The following GALNT13 variants were observed in gnomAD, a reference collection of about 807,000 sequenced individuals.
The protein encoded by GALNT13 is UDP-GalNAc:polypeptide N-acetylgalactosaminyltransferase 13.
Under a neutral mutation model 64.2 loss-of-function variants are expected in GALNT13, and 28 were observed. The observed-to-expected ratio is 0.44, with a 90% CI of 0.32 to 0.60. The LOEUF is 0.60. Ranked by LOEUF, GALNT13 falls within the 20% of genes least tolerant of loss-of-function variation. The pLI is 0.05. For missense variants in GALNT13, 577 were observed against 669.8 expected (o/e 0.86, Z 1.53); for synonymous variants, 214 against 224.6 (o/e 0.95, Z 0.42).
chr2:153,799,575 T>A, the GALNT13 span, among the ~76,000 whole-genome samples: 1 of 152,158 alleles, frequency 6.6e-6, no homozygotes, highest in East Asian at 1.9e-4. Flanking sequence ...GTCCATTGCT[T>A]CCTATTCAAA....
At chr2:153,151,902 G>C in the GALNT13 span, among the ~76,000 whole-genome samples, 1 of 152,062 alleles carries the variant, frequency 6.6e-6, no homozygotes, top group South Asian at 2.1e-4. Flanking sequence ...ACTGGGTGCA[G>C]CACACCAACA....
the GALNT13 span, among the ~76,000 whole-genome samples, chr2:153,664,436 T>G: frequency 6.6e-6 from 1 of 152,170 alleles, no homozygotes; most frequent in African/African-American, 2.4e-5. Flanking sequence ...ATCCTGTTCT[T>G]TTTTAGGATG....
At chr2:154,253,591 G>A (rs956957013) in intron 7 of GALNT13, among the ~76,000 whole-genome samples, 12 of 151,926 alleles carry the variant, frequency 7.9e-5, no homozygotes, top group Non-Finnish European at 1.5e-5. Context: ...GATTATCCTG[G>A]GCAGTATAGT....
the GALNT13 span, among the ~76,000 whole-genome samples, chr2:153,245,739 C>T: frequency 6.6e-6 from 1 of 152,110 alleles, no homozygotes; most frequent in African/African-American, 2.4e-5. Flanking sequence ...AATGCCTCTT[C>T]TTCTTCAAAT....
chr2:153,815,053 C>CT, the GALNT13 span, among the ~76,000 whole-genome samples: 8 of 152,158 alleles, frequency 5.3e-5, no homozygotes, highest in Non-Finnish European at 8.8e-5. Context: ...CTAAATACAG[C>CT]TAAAATATTC....
chr2:154,239,669 A>G (rs1689377035), intron 4 of GALNT13, among the ~76,000 whole-genome samples: 2 of 152,150 alleles, frequency 1.3e-5, no homozygotes, highest in Admixed American at 6.5e-5. Flanking sequence ...TACTTTTCCC[A>G]TGCCTTACAT....
At chr2:154,244,178 A>AT (rs1689650602) in intron 6 of GALNT13, among the ~76,000 whole-genome samples, 1 of 151,918 alleles carries the variant, frequency 6.6e-6, no homozygotes, top group Admixed American at 6.6e-5. Context: ...TAGGCTATTT[A>AT]TTTTTTTGAT....
At chr2:153,506,119 A>C in the GALNT13 span, among the ~76,000 whole-genome samples, 9 of 151,816 alleles carry the variant, frequency 5.9e-5, no homozygotes, top group Non-Finnish European at 1.3e-4. Context: ...GTCTTTTTTT[A>C]TTCCTGCTGC....
At chr2:154,377,599 C>T (rs1698061713) in intron 9 of GALNT13, among the ~76,000 whole-genome samples, 1 of 152,038 alleles carries the variant, frequency 6.6e-6, no homozygotes, top group Admixed American at 6.6e-5. Context: ...TAGGGGAGAA[C>T]ACAAAAGAAA....
the GALNT13 span, among the ~76,000 whole-genome samples, chr2:153,297,233 TTTC>T: frequency 1.3e-5 from 2 of 152,214 alleles, no homozygotes; most frequent in Non-Finnish European, 2.9e-5. Context: ...AGCTGCTTTT[TTTC>T]TTTTCTCAGC....
chr2:153,278,123 A>G, the GALNT13 span, among the ~76,000 whole-genome samples: 18 of 151,384 alleles, frequency 1.2e-4, no homozygotes, highest in Non-Finnish European at 2.1e-4. Context: ...AGACAGGGTT[A>G]TAGAGACCAC....
chr2:154,235,920 G>C (rs748946408), intron 4 of GALNT13: 22 of 291,918 alleles, frequency 7.5e-5, no homozygotes, highest in Non-Finnish European at 1.2e-4. Flanking sequence ...TAGGGAAAAA[G>C]TGATAAATAG....
chr2:153,514,122 A>G, the GALNT13 span, among the ~76,000 whole-genome samples: 1 of 151,996 alleles, frequency 6.6e-6, no homozygotes. Flanking sequence ...AGTCTTTCTT[A>G]ACACTTTTAT....
intron 4 of GALNT13, among the ~76,000 whole-genome samples, chr2:154,221,337 G>T (rs902479056): frequency 2.6e-5 from 4 of 152,014 alleles, no homozygotes; most frequent in Non-Finnish European, 5.9e-5. Context: ...TAAAGTGAAT[G>T]ATCCTCACCA....
intron 4 of GALNT13, among the ~76,000 whole-genome samples, chr2:154,185,959 A>G (rs1047268392): frequency 6.6e-6 from 1 of 151,982 alleles, no homozygotes; most frequent in East Asian, 1.9e-4. Context: ...TTTTTACTTA[A>G]TTATTACAGT....
intron 1 of GALNT13, among the ~76,000 whole-genome samples, chr2:153,898,798 A>G (rs1259782439): frequency 3.3e-5 from 5 of 151,132 alleles, no homozygotes; most frequent in Non-Finnish European, 1.5e-5. Flanking sequence ...GGTTATTTCA[A>G]TTGACAAAAT....
At chr2:154,177,781 A>G (rs1241654480) in intron 4 of GALNT13, among the ~76,000 whole-genome samples, 1 of 152,190 alleles carries the variant, frequency 6.6e-6, no homozygotes, top group Non-Finnish European at 1.5e-5. Flanking sequence ...ACATACATAC[A>G]TATGAGGCAG....
At chr2:153,155,138 G>T in the GALNT13 span, among the ~76,000 whole-genome samples, 1 of 152,112 alleles carries the variant, frequency 6.6e-6, no homozygotes, top group Non-Finnish European at 1.5e-5. Flanking sequence ...TGAGTATTTT[G>T]TTGAAGAGTT....
At chr2:153,526,110 C>T in the GALNT13 span, among the ~76,000 whole-genome samples, 1 of 152,244 alleles carries the variant, frequency 6.6e-6, no homozygotes, top group Non-Finnish European at 1.5e-5. Flanking sequence ...TAGACATGCC[C>T]CAGGGCCTGG....
Sources: allele counts gnomAD v4.1 joint callset (sites outside exome capture counted in the v4.1 genomes callset), GRCh38; gene constraint gnomAD v4.1.1; transcripts MANE v1.5; gene names NCBI Gene and HGNC (gene_info 2026-07-23, HGNC 2026-07-21).